The following SGCZ variants were observed in gnomAD, a reference collection of about 807,000 sequenced individuals.
SGCZ encodes zeta-sarcoglycan.
In SGCZ, 40 loss-of-function variants were observed where a neutral mutation model predicts 41.3. The observed-to-expected ratio is 0.97, with a 90% CI of 0.75 to 1.26. SGCZ has a LOEUF of 1.26. Ranked by LOEUF, SGCZ falls within the 50% of genes most tolerant of loss-of-function variation. The pLI, the probability that SGCZ is intolerant of heterozygous loss-of-function variation, is 0.00. For synonymous variants in SGCZ, 206 were observed against 137.5 expected (o/e 1.50, Z -3.49); for missense variants, 552 against 369.8 (o/e 1.49, Z -4.04).
chr8:14,814,625 C>T (rs1801842193), intron 1 of SGCZ, among the ~76,000 whole-genome samples: 2 of 152,096 alleles, frequency 1.3e-5, no homozygotes, highest in African/African-American at 4.8e-5. Flanking sequence ...TTTAAGAGTT[C>T]AGAGAAGATG....
chr8:14,461,452 T>G (rs1237813391), intron 2 of SGCZ, among the ~76,000 whole-genome samples: 2 of 152,130 alleles, frequency 1.3e-5, no homozygotes, highest in Admixed American at 1.3e-4. Context: ...ATGGGTACTG[T>G]AGAGCCTTTT....
At chr8:14,136,168 C>T (rs1010368900) in intron 5 of SGCZ, among the ~76,000 whole-genome samples, 3 of 152,104 alleles carry the variant, frequency 2.0e-5, no homozygotes, top group Non-Finnish European at 1.5e-5. Context: ...ACTAAAGAAT[C>T]AACTGGATGA....
chr8:14,336,286 T>C (rs1481881201), intron 2 of SGCZ, among the ~76,000 whole-genome samples: 6 of 152,204 alleles, frequency 3.9e-5, no homozygotes, highest in Admixed American at 1.3e-4. Flanking sequence ...TTCCATAGTG[T>C]ATAGGTGCCA....
chr8:14,845,410 C>T (rs1343810166), intron 1 of SGCZ, among the ~76,000 whole-genome samples: 2 of 152,088 alleles, frequency 1.3e-5, no homozygotes, highest in East Asian at 1.9e-4. Flanking sequence ...AAAAGCAGCA[C>T]CCAAATAGTA....
At chr8:14,282,140 A>AT (rs397978260) in intron 3 of SGCZ, among the ~76,000 whole-genome samples, 3 of 151,786 alleles carry the variant, frequency 2.0e-5, no homozygotes, top group African/African-American at 2.4e-5. Flanking sequence ...GTAAAAAAAA[A>AT]TCAAAGAAAA....
At chr8:14,981,824 G>C (rs1221365698) in intron 1 of SGCZ, among the ~76,000 whole-genome samples, 1 of 152,124 alleles carries the variant, frequency 6.6e-6, no homozygotes, top group Non-Finnish European at 1.5e-5. Flanking sequence ...GCCAGATAAA[G>C]TATATTCTCT....
At chr8:15,079,729 T>G (rs1040052168) in intron 1 of SGCZ, among the ~76,000 whole-genome samples, 6 of 152,190 alleles carry the variant, frequency 3.9e-5, no homozygotes, top group African/African-American at 1.4e-4. Flanking sequence ...CCATCATATT[T>G]ATTTAGAATT....
chr8:14,955,386 G>A (rs73519003), intron 1 of SGCZ, among the ~76,000 whole-genome samples: 12,840 of 152,164 alleles, frequency 0.084, 668 homozygotes, highest in African/African-American at 0.13. Context: ...GGGCTCAAAC[G>A]TACAATGTAC....
chr8:14,274,478 A>T (rs28626743), intron 3 of SGCZ, among the ~76,000 whole-genome samples: 4,880 of 152,314 alleles, frequency 0.032, 94 homozygotes, highest in African/African-American at 0.053. Flanking sequence ...TTGATTTCAG[A>T]ACACAAGTTT....
chr8:14,292,784 C>T (rs924284720), intron 3 of SGCZ, among the ~76,000 whole-genome samples: 8 of 151,774 alleles, frequency 5.3e-5, no homozygotes, highest in African/African-American at 1.7e-4. Flanking sequence ...ACCAATATCA[C>T]TAGGCTTTTC....
At chr8:14,645,247 T>G (rs930061185) in intron 1 of SGCZ, among the ~76,000 whole-genome samples, 1 of 148,136 alleles carries the variant, frequency 6.8e-6, no homozygotes, top group African/African-American at 2.5e-5. Flanking sequence ...AATGACAACT[T>G]CTTCAATTTT....
chr8:15,060,665 AG>A (rs1296076558), intron 1 of SGCZ, among the ~76,000 whole-genome samples: 2 of 77,766 alleles, frequency 2.6e-5, no homozygotes, highest in Non-Finnish European at 5.4e-5. Flanking sequence ...GAAAACTTAA[AG>A]TATTAAAAAA....
At chr8:14,782,337 C>G (rs73664476) in intron 1 of SGCZ, among the ~76,000 whole-genome samples, 5,588 of 152,224 alleles carry the variant, frequency 0.037, 340 homozygotes, top group African/African-American at 0.13. Context: ...ATTCCTGACA[C>G]TCATCTCCCC....
intron 1 of SGCZ, among the ~76,000 whole-genome samples, chr8:15,076,753 C>CTTT (rs566416257): frequency 0.041 from 5,938 of 143,570 alleles, 429 homozygotes; most frequent in African/African-American, 0.14. Context: ...AAGTCTCTCT[C>CTTT]ATTTTTTTTT....
chr8:15,212,046 C>T (rs1311838599), intron 1 of SGCZ, among the ~76,000 whole-genome samples: 1 of 152,098 alleles, frequency 6.6e-6, no homozygotes, highest in Non-Finnish European at 1.5e-5. Flanking sequence ...TCACAATACT[C>T]AGACGTTCGT....
chr8:14,236,172 C>T (rs1352670887), intron 4 of SGCZ, among the ~76,000 whole-genome samples: 2 of 152,150 alleles, frequency 1.3e-5, no homozygotes, highest in Non-Finnish European at 2.9e-5. Context: ...AATGAAACAG[C>T]ATGAATATTT....
At chr8:14,574,025 T>C (rs554109541) in intron 1 of SGCZ, among the ~76,000 whole-genome samples, 1 of 152,226 alleles carries the variant, frequency 6.6e-6, no homozygotes, top group South Asian at 2.1e-4. Flanking sequence ...CTGGGAGCTA[T>C]GGGTCCCATA....
At chr8:15,010,932 A>G (rs1802804874) in intron 1 of SGCZ, among the ~76,000 whole-genome samples, 1 of 152,210 alleles carries the variant, frequency 6.6e-6, no homozygotes, top group Non-Finnish European at 1.5e-5. Flanking sequence ...CTAACTTGAG[A>G]GGCAATGAAA....
intron 1 of SGCZ, among the ~76,000 whole-genome samples, chr8:14,682,524 T>A (rs540142316): frequency 6.6e-5 from 10 of 150,394 alleles, no homozygotes; most frequent in African/African-American, 2.4e-4. Flanking sequence ...AATCTCCGCC[T>A]CCCGGGTTCA....
Sources: allele counts gnomAD v4.1 joint callset (sites outside exome capture counted in the v4.1 genomes callset), GRCh38; gene constraint gnomAD v4.1.1; transcripts MANE v1.5; gene names NCBI Gene and HGNC (gene_info 2026-07-23, HGNC 2026-07-21).